PRRT1B: variants seen among roughly 807,000 people sequenced by gnomAD.
PRRT1B encodes the protein dispanin subfamily D member 2.
intron 1 of PRRT1B, among the ~76,000 whole-genome samples, chr9:131,547,097 A>C (rs1036178976): frequency 1.9e-5 from 2 of 103,972 alleles, no homozygotes; most frequent in African/African-American, 1.1e-4. Flanking sequence ...TTTGAGACTG[A>C]GTCTCGTTCT....
chr9:131,556,279 C>A, intron 3 of PRRT1B, 66 bp downstream of exon 3: 1 of 400,038 alleles, frequency 2.5e-6, no homozygotes, highest in South Asian at 1.3e-4. Flanking sequence ...CCCAGTGGGT[C>A]CACAGAGCCC....
chr9:131,547,214 T>G (rs1950982426), intron 1 of PRRT1B, among the ~76,000 whole-genome samples: 1 of 152,002 alleles, frequency 6.6e-6, no homozygotes, highest in South Asian at 2.1e-4. Flanking sequence ...AGGCGCCCAA[T>G]GTCAGGCCTC....
chr9:131,554,038 C>G (rs1300142279), intron 1 of PRRT1B, among the ~76,000 whole-genome samples: 1 of 152,110 alleles, frequency 6.6e-6, no homozygotes, highest in African/African-American at 2.4e-5. Flanking sequence ...TGCATATGGC[C>G]CTTAGTGACC....
chr9:131,556,617 C>T (rs939262434), intron 3 of PRRT1B, among the ~76,000 whole-genome samples: 5 of 152,018 alleles, frequency 3.3e-5, no homozygotes, highest in Non-Finnish European at 7.4e-5. Context: ...TTTATCCATC[C>T]ACCCACCCAT....
intron 1 of PRRT1B, among the ~76,000 whole-genome samples, chr9:131,552,820 G>T (rs1354816490): frequency 6.7e-6 from 1 of 150,270 alleles, no homozygotes; most frequent in Non-Finnish European, 1.5e-5. Flanking sequence ...CTAGACACTT[G>T]TGCTGCCACA....
chr9:131,545,695 G>A lies in PRRT1B; in HGVS notation c.25+55G>A, dbSNP rs143293516. Reference sequence around the variant, plus strand: ...GGTACTGGCGGGGCAGGTACTGGCGGGGCAGGTACTGGCGAGGCAGGTACT... The same window carrying A: ...GGTACTGGCGGGGCAGGTACTGGCGAGGCAGGTACTGGCGAGGCAGGTACT... On this transcript the variant is annotated intron_variant, in intron 1 of 3. Coordinates refer to ENST00000636672, the Ensembl canonical transcript of PRRT1B. 484 of 358,670 alleles carry A rather than the reference G, an allele frequency of 1.3e-3. 1 individual carries two copies. In the African/African-American group the frequency reaches 0.019, roughly 14 times the overall value. The allele number at this position is 358,670 out of a possible 1,614,324, so 22.2% of individuals were successfully genotyped here.
rs181377725 is a variant in PRRT1B at position 131,552,657 on chromosome 9, G to A, written c.26-1900G>A. Among the ~76,000 whole-genome samples, 544 of 149,060 alleles carry A rather than the reference G, an allele frequency of 3.6e-3. 4 individuals carry two copies. The highest frequency in any genetic ancestry group is 0.012 in the African/African-American group (499 of 40,812). On this transcript the variant is annotated intron_variant, in intron 1 of 3. Transcript: ENST00000636672. ...TTTGTCTCCTGCACATGCAGTTTGG[G>A]GGGGAGCCCAACCTCTAAGGTTTTT...
chr9:131,553,209 CA>C (rs1331762882), intron 1 of PRRT1B, among the ~76,000 whole-genome samples: 3 of 149,424 alleles, frequency 2.0e-5, no homozygotes, highest in African/African-American at 7.5e-5. Flanking sequence ...CATTGTTGTG[CA>C]GGCATCACCA....
intron 3 of PRRT1B, 132 bp from the exon 4 acceptor site, chr9:131,557,921 G>A: frequency 2.5e-6 from 1 of 397,290 alleles, no homozygotes; most frequent in Non-Finnish European, 4.4e-6. Context: ...CTGTGGGCCT[G>A]GCAGGTCCCT....
Position 131,555,032 on chromosome 9 carries a change from G to T in PRRT1B, c.498+3G>T. ...GGGCCGCCTTCCCCTTCCCCGTGGT[G>T]AGTGGCCGCCGCCCTGGGCGCGCTC... On this transcript the variant is annotated splice_donor_region_variant and intron_variant, in intron 2 of 3. Transcript: ENST00000636672. The T allele has an allele frequency of 2.6e-6, 1 of 391,290 alleles. No individual in the cohort carries two copies. The highest frequency in any genetic ancestry group is 4.5e-6 in the Non-Finnish European group (1 of 221,534). The allele number at this position is 391,290 out of a possible 1,614,324, so 24.2% of individuals were successfully genotyped here.
exon 2 of PRRT1B, chr9:131,554,600 C>A (rs7043463): frequency 5.1e-6 from 2 of 395,812 alleles, no homozygotes; most frequent in Non-Finnish European, 8.9e-6. Flanking sequence ...CCCCCGAGGA[C>A]CCCCGGAGCC....
chr9:131,556,253 A>C, intron 3 of PRRT1B, 40 bp downstream of exon 3: 1 of 400,594 alleles, frequency 2.5e-6, no homozygotes, highest in Non-Finnish European at 4.4e-6. Flanking sequence ...CTCTCCTAGC[A>C]CGCAGCCACT....
At chr9:131,547,562 A>G (rs1002562939) in intron 1 of PRRT1B, among the ~76,000 whole-genome samples, 14 of 152,168 alleles carry the variant, frequency 9.2e-5, no homozygotes, top group Admixed American at 2.0e-4. Context: ...CAGGTGATTC[A>G]AAAGCTTTAT....
intron 1 of PRRT1B, among the ~76,000 whole-genome samples, chr9:131,546,648 C>G (rs1484823270): frequency 5.3e-5 from 8 of 152,064 alleles, no homozygotes; most frequent in African/African-American, 1.2e-4. Context: ...AGGACTCCCC[C>G]CCAGACCCTC....
At chr9:131,553,865 G>A (rs1444012306) in intron 1 of PRRT1B, among the ~76,000 whole-genome samples, 1 of 152,194 alleles carries the variant, frequency 6.6e-6, no homozygotes. Context: ...AGGAGGTGCA[G>A]CCTTAAGAAT....
At position 131,551,330 on chromosome 9, in the gene PRRT1B, A is replaced by C. The variant is rs1303724173; in HGVS notation, c.26-3227A>C. The stretch of plus-strand genomic sequence containing the variant: ...AAATGCTCCTTCTAACAACCCCACA[A>C]TATCACCTCTTACCACAAAATCTTC... On this transcript the variant is annotated intron_variant, in intron 1 of 3. Transcript: ENST00000636672. The surrounding 1 kb of genome is among the most constrained non-coding windows in gnomAD (Gnocchi z 4.4). 6.6e-6 allele frequency among the ~76,000 whole-genome samples: 1 copy of C among 151,752 alleles called. No individual in the cohort carries two copies. Among genetic ancestry groups the C allele is most frequent in the Non-Finnish European group, 1.5e-5 (1 of 67,956 alleles).
At position 131,549,959 on chromosome 9, in the gene PRRT1B, T is replaced by C. The variant is rs183466451; in HGVS notation, c.25+4319T>C. Among the ~76,000 whole-genome samples the C allele has an allele frequency of 1.7e-3, 256 of 152,272 alleles. 6 individuals carry two copies. The highest frequency in any genetic ancestry group is 0.011 in the Admixed American group (174 of 15,286). On this transcript the variant is annotated intron_variant, in intron 1 of 3. Coordinates refer to ENST00000636672, the Ensembl canonical transcript of PRRT1B. ...TCTTCCCAACCCAAAGCCTCCTTTG[T>C]GTCTCCCTCTTGTATCTCCCCACCT...
intron 1 of PRRT1B, among the ~76,000 whole-genome samples, chr9:131,547,969 T>C (rs928123422): frequency 6.6e-6 from 1 of 152,212 alleles, no homozygotes; most frequent in Non-Finnish European, 1.5e-5. Flanking sequence ...GAAGACCGTC[T>C]TCCCTTGGTG....
intron 3 of PRRT1B, 97 bp from the exon 4 acceptor site, chr9:131,557,956 C>T (rs1317556104): frequency 2.5e-6 from 1 of 397,750 alleles, no homozygotes; most frequent in Non-Finnish European, 4.4e-6. Flanking sequence ...GTCAGTTTCT[C>T]AGTTTGTGGA....
Sources: allele counts gnomAD v4.1 joint callset (sites outside exome capture counted in the v4.1 genomes callset), GRCh38; gene constraint gnomAD v4.1.1; non-coding constraint Gnocchi (gnomAD v3.1); transcripts MANE v1.5; gene names NCBI Gene and HGNC (gene_info 2026-07-23, HGNC 2026-07-21).